FRMD4A: variants seen among roughly 807,000 people sequenced by gnomAD.
FRMD4A encodes the protein FERM domain-containing protein 4A.
In FRMD4A, 29 loss-of-function variants were observed where a neutral mutation model predicts 129.1. That is an observed-to-expected ratio of 0.22 (90% CI 0.17 to 0.31). FRMD4A has a LOEUF of 0.31. FRMD4A is among the 10% of genes least tolerant of loss of function. The pLI is 1.00. For synonymous variants in FRMD4A, 634 were observed against 571.6 expected (o/e 1.11, Z -1.56); for missense variants, 1,272 against 1,375.8 (o/e 0.92, Z 1.19).
intron 2 of FRMD4A, among the ~76,000 whole-genome samples, chr10:14,185,681 A>G (rs1488946705): frequency 1.3e-5 from 2 of 152,166 alleles, no homozygotes; most frequent in Admixed American, 6.5e-5. Flanking sequence ...AGCAGAAGAG[A>G]GGATAGCAGC....
chr10:14,081,576 G>A (rs565089963), intron 2 of FRMD4A, among the ~76,000 whole-genome samples: 1 of 152,164 alleles, frequency 6.6e-6, no homozygotes, highest in African/African-American at 2.4e-5. Flanking sequence ...ATAAGTCAAG[G>A]TTCAGTACAA....
At chr10:13,713,890 TATATA>T in intron 12 of FRMD4A, among the ~76,000 whole-genome samples, 1 of 130,092 alleles carries the variant, frequency 7.7e-6, no homozygotes, top group African/African-American at 2.9e-5. Flanking sequence ...TATATATACA[TATATA>T]ATATATACAT....
intron 2 of FRMD4A, among the ~76,000 whole-genome samples, chr10:13,966,289 T>C (rs970724788): frequency 6.6e-6 from 1 of 152,066 alleles, no homozygotes; most frequent in Non-Finnish European, 1.5e-5. Context: ...TCCCAAAGTG[T>C]AAGTTTGTAT....
chr10:13,996,178 G>T (rs988242840), intron 2 of FRMD4A, among the ~76,000 whole-genome samples: 5 of 152,292 alleles, frequency 3.3e-5, no homozygotes, highest in East Asian at 1.9e-4. Flanking sequence ...TCTCCCAAAG[G>T]CCCCATCTCT....
intron 2 of FRMD4A, among the ~76,000 whole-genome samples, chr10:14,185,556 A>C (rs754095105): frequency 2.6e-5 from 4 of 152,184 alleles, no homozygotes; most frequent in African/African-American, 4.8e-5. Context: ...ATAAAGCAAG[A>C]CTATTTAAAG....
chr10:14,227,547 C>T (rs1279557872), intron 2 of FRMD4A, among the ~76,000 whole-genome samples: 1 of 152,052 alleles, frequency 6.6e-6, no homozygotes, highest in African/African-American at 2.4e-5. Context: ...CCAGGGTGCC[C>T]AGCCCTCTCT....
intron 2 of FRMD4A, among the ~76,000 whole-genome samples, chr10:14,011,459 C>G (rs890356312): frequency 6.6e-6 from 1 of 152,128 alleles, no homozygotes; most frequent in Admixed American, 6.5e-5. Flanking sequence ...GTGGGAGACT[C>G]AGCCGCTGCT....
intron 2 of FRMD4A, among the ~76,000 whole-genome samples, chr10:14,130,367 C>T (rs969445603): frequency 6.6e-5 from 10 of 151,986 alleles, no homozygotes; most frequent in African/African-American, 2.4e-4. Flanking sequence ...CTCAAGTGAT[C>T]CTCCCACCTC....
chr10:13,837,900 C>A (rs1018389332), intron 3 of FRMD4A, among the ~76,000 whole-genome samples: 4 of 152,188 alleles, frequency 2.6e-5, no homozygotes, highest in Non-Finnish European at 4.4e-5. Flanking sequence ...GACATGACAG[C>A]AATCAGGAAT....
chr10:13,753,304 G>A (rs1231503987), intron 8 of FRMD4A, among the ~76,000 whole-genome samples: 1 of 152,140 alleles, frequency 6.6e-6, no homozygotes, highest in Non-Finnish European at 1.5e-5. Flanking sequence ...CAGGTGTGTA[G>A]GAAAGAAATG....
intron 2 of FRMD4A, among the ~76,000 whole-genome samples, chr10:14,329,274 C>T (rs537576900): frequency 5.9e-5 from 9 of 152,312 alleles, no homozygotes; most frequent in Admixed American, 2.6e-4. Context: ...CCAGTATTAC[C>T]GTGGTGTGTG....
chr10:14,218,208 A>G (rs1484874075), intron 2 of FRMD4A, among the ~76,000 whole-genome samples: 3 of 152,214 alleles, frequency 2.0e-5, no homozygotes, highest in Non-Finnish European at 2.9e-5. Flanking sequence ...TTAAATTGGT[A>G]TGAAATGCAA....
At chr10:14,260,455 C>T (rs1216378368) in intron 2 of FRMD4A, among the ~76,000 whole-genome samples, 2 of 152,190 alleles carry the variant, frequency 1.3e-5, no homozygotes, top group Non-Finnish European at 2.9e-5. Flanking sequence ...AATGTCCTCT[C>T]GGGCTCAGGG....
intron 21 of FRMD4A, among the ~76,000 whole-genome samples, chr10:13,658,138 A>C (rs1348807095): frequency 2.7e-5 from 4 of 149,420 alleles, no homozygotes; most frequent in African/African-American, 9.8e-5. Context: ...CTCTTAAAAA[A>C]AAAAAAAAAA....
At chr10:13,671,315 G>C (rs1236007260) in intron 16 of FRMD4A, among the ~76,000 whole-genome samples, 1 of 152,094 alleles carries the variant, frequency 6.6e-6, no homozygotes, top group Non-Finnish European at 1.5e-5. Context: ...TTAGCTGGGC[G>C]TGGTGGTAAG....
intron 2 of FRMD4A, among the ~76,000 whole-genome samples, chr10:14,039,780 C>T (rs1312657189): frequency 6.6e-6 from 1 of 151,606 alleles, no homozygotes; most frequent in Admixed American, 6.6e-5. Flanking sequence ...GTGCATCTTA[C>T]ATATACTGAT....
At chr10:14,074,314 C>T (rs149677320) in intron 2 of FRMD4A, 2 of 152,272 alleles carry the variant, frequency 1.3e-5, no homozygotes, top group African/African-American at 4.8e-5. Context: ...ATGCTACAGG[C>T]CTCTACTTGT....
chr10:14,299,488 G>A (rs1224038407), intron 2 of FRMD4A, among the ~76,000 whole-genome samples: 3 of 152,190 alleles, frequency 2.0e-5, no homozygotes, highest in Non-Finnish European at 2.9e-5. Flanking sequence ...TGCAAGGATT[G>A]TTTTCACCCC....
At chr10:13,889,383 CT>C (rs2094667515) in intron 2 of FRMD4A, among the ~76,000 whole-genome samples, 1 of 152,236 alleles carries the variant, frequency 6.6e-6, no homozygotes, top group African/African-American at 2.4e-5. Flanking sequence ...ATGTCTTTCC[CT>C]TTGACCTCAG....
Sources: allele counts gnomAD v4.1 joint callset (sites outside exome capture counted in the v4.1 genomes callset), GRCh38; gene constraint gnomAD v4.1.1; transcripts MANE v1.5; gene names NCBI Gene and HGNC (gene_info 2026-07-23, HGNC 2026-07-21).